Variants in RPS6KA5 observed in about 807,000 individuals in gnomAD.
The protein encoded by RPS6KA5 is ribosomal protein S6 kinase A5, also known as ribosomal protein S6 kinase alpha-5.
RPS6KA5 carries 27 observed loss-of-function variants against 85.5 expected under a neutral mutation model. The observed-to-expected ratio is 0.32, with a 90% CI of 0.23 to 0.44. RPS6KA5 has a LOEUF of 0.44. Ranked by LOEUF, RPS6KA5 falls within the 20% of genes least tolerant of loss-of-function variation. The probability of loss-of-function intolerance (pLI) is 1.00; values close to 1 mark genes in which losing one functional copy is unlikely to be tolerated. For synonymous variants in RPS6KA5, 334 were observed against 348.2 expected, an observed-to-expected ratio of 0.96 and a Z score of 0.46; for missense variants, 811 against 980.9, an observed-to-expected ratio of 0.83 and a Z score of 2.31.
At chr14:90,919,832 T>C (rs2036308865) in intron 7 of RPS6KA5, among the ~76,000 whole-genome samples, 1 of 152,198 alleles carries the variant, frequency 6.6e-6, no homozygotes, top group Non-Finnish European at 1.5e-5. Flanking sequence ...ATCATTACTG[T>C]TTCTTCATGT....
intron 1 of RPS6KA5, among the ~76,000 whole-genome samples, chr14:91,050,363 A>AG (rs68029251): frequency 0.82 from 124,247 of 152,160 alleles, 51,327 homozygotes; most frequent in East Asian, 0.97. Context: ...TGGGCAACAG[A>AG]GAAGACCTTA....
intron 3 of RPS6KA5, among the ~76,000 whole-genome samples, chr14:90,954,842 TAA>T (rs1370018187): frequency 6.6e-6 from 1 of 152,264 alleles, no homozygotes; most frequent in African/African-American, 2.4e-5. Flanking sequence ...TTATTTCATA[TAA>T]GTTATCCAAC....
At chr14:90,877,298 G>A (rs561244081) in intron 14 of RPS6KA5, among the ~76,000 whole-genome samples, 1 of 152,292 alleles carries the variant, frequency 6.6e-6, no homozygotes, top group East Asian at 1.9e-4. Flanking sequence ...GCTCTAAGAA[G>A]GGCAATGTCA....
At chr14:90,892,728 C>T (rs543694141) in intron 13 of RPS6KA5, among the ~76,000 whole-genome samples, 23 of 152,274 alleles carry the variant, frequency 1.5e-4, no homozygotes, top group African/African-American at 5.1e-4. Context: ...ATAATCAGAC[C>T]TTAAAGTGCC....
At chr14:90,903,844 AGAT>A (rs1157099083) in intron 8 of RPS6KA5, among the ~76,000 whole-genome samples, 3 of 152,240 alleles carry the variant, frequency 2.0e-5, no homozygotes, top group Non-Finnish European at 4.4e-5. Context: ...TAAGAATATA[AGAT>A]GATGGCCACT....
At chr14:91,044,363 G>GAGAAAGAAAGAAGGAA (rs1259572309) in intron 1 of RPS6KA5, among the ~76,000 whole-genome samples, 1 of 13,228 alleles carries the variant, frequency 7.6e-5, no homozygotes, top group Non-Finnish European at 1.8e-4. Context: ...AAGAAAGAAA[G>GAGAAAGAAAGAAGGAA]AGAAAGAAAG....
chr14:91,019,177 G>A (rs1242296216), intron 1 of RPS6KA5, among the ~76,000 whole-genome samples: 3 of 152,084 alleles, frequency 2.0e-5, no homozygotes, highest in Non-Finnish European at 4.4e-5. Flanking sequence ...AGACTTGTGG[G>A]AGTTAATTTT....
At chr14:90,940,034 C>G (rs1241129258) in intron 5 of RPS6KA5, among the ~76,000 whole-genome samples, 1 of 152,110 alleles carries the variant, frequency 6.6e-6, no homozygotes, top group African/African-American at 2.4e-5. Context: ...TGGGTGGAAT[C>G]AGAGGAGCAA....
At position 91,032,113 on chromosome 14, in the gene RPS6KA5, C is replaced by T. The variant is rs74086829; in HGVS notation, c.103+28219G>A. Reference sequence around the variant, plus strand: ...CCTTGGGAAGCTCAATATCTGATTTCATAGCCTCCCTTGCAGAATGATGAC... The same window carrying T: ...CCTTGGGAAGCTCAATATCTGATTTTATAGCCTCCCTTGCAGAATGATGAC... On this transcript the variant is annotated intron_variant, in intron 1 of 16. Transcript: ENST00000614987. Among the ~76,000 whole-genome samples, 338 of 152,334 alleles carry T rather than the reference C, an allele frequency of 2.2e-3. 1 individual carries two copies. Among genetic ancestry groups the T allele is most frequent in the African/African-American group, 7.7e-3 (322 of 41,584 alleles).
At chr14:90,904,534 T>C (rs2035394665) in intron 8 of RPS6KA5, among the ~76,000 whole-genome samples, 1 of 152,224 alleles carries the variant, frequency 6.6e-6, no homozygotes, top group African/African-American at 2.4e-5. Flanking sequence ...AGTGTTTTTT[T>C]CTCTCTGCAG....
At chr14:90,882,224 G>C (rs1488311068) in intron 14 of RPS6KA5, among the ~76,000 whole-genome samples, 1 of 152,048 alleles carries the variant, frequency 6.6e-6, no homozygotes, top group Non-Finnish European at 1.5e-5. Context: ...ACTTGAATTT[G>C]TATCAGTTTA....
At chr14:90,881,834 T>G (rs1261623703) in intron 14 of RPS6KA5, among the ~76,000 whole-genome samples, 3 of 152,200 alleles carry the variant, frequency 2.0e-5, no homozygotes, top group African/African-American at 7.2e-5. Context: ...GCATGGAATA[T>G]CTTTTCCCAT....
chr14:90,857,486 T>C lies in RPS6KA5; in HGVS notation c.*14588A>G, dbSNP rs1158833000. ...AGACATAATTTCAGAGCTAAGTTTG[T>C]TCTCCATAAATCAGTTCCTGGAGTT... On this transcript the variant is annotated 3_prime_UTR_variant, in exon 17 of 17. Transcript: ENST00000614987. The C allele has an allele frequency of 6.6e-6, 1 of 152,260 alleles. No homozygotes were observed. The highest frequency in any genetic ancestry group is 6.5e-5 in the Admixed American group (1 of 15,284). 9.4% of individuals were successfully genotyped at this position (152,260 alleles called of 1,614,324 possible).
At chr14:90,934,903 G>C (rs1382490973) in intron 5 of RPS6KA5, among the ~76,000 whole-genome samples, 1 of 152,100 alleles carries the variant, frequency 6.6e-6, no homozygotes, top group African/African-American at 2.4e-5. Flanking sequence ...GAAGAACTGG[G>C]GCAACAGGGT....
At chr14:91,051,471 T>C (rs963205475) in intron 1 of RPS6KA5, among the ~76,000 whole-genome samples, 1 of 152,040 alleles carries the variant, frequency 6.6e-6, no homozygotes, top group African/African-American at 2.4e-5. Context: ...CTGGACTTTT[T>C]ATCATGAAAC....
chr14:90,894,065 A>G lies in RPS6KA5; in HGVS notation c.1644+348T>C, dbSNP rs928053268. 10 of 955,084 alleles carry G rather than the reference A, an allele frequency of 1.0e-5. No individual in the cohort carries two copies. In the African/African-American group the frequency reaches 1.8e-4, roughly 17 times the overall value. The allele number at this position is 955,084 out of a possible 1,614,324, so 59.2% of individuals were successfully genotyped here. ...AGTTTTCAAAATACATCATTTGGAA[A>G]AAAAACCCTCTAAAATTATATGTAA... On this transcript the variant is annotated intron_variant, in intron 13 of 16. Transcript: ENST00000614987.
At chr14:90,934,410 A>G (rs981814562) in intron 5 of RPS6KA5, among the ~76,000 whole-genome samples, 1 of 152,172 alleles carries the variant, frequency 6.6e-6, no homozygotes, top group African/African-American at 2.4e-5. Context: ...TTATTCTAGG[A>G]TATCTTTTGC....
chr14:91,004,589 A>C lies in RPS6KA5; in HGVS notation c.104-3430T>G, dbSNP rs538363139. ...TTTTACTAAGGTCCAACTTACATAC[A>C]ATAAAATTCACTTATTTAAATGAAC... On this transcript the variant is annotated intron_variant, in intron 1 of 16. Transcript: ENST00000614987. Among the ~76,000 whole-genome samples the C allele has an allele frequency of 5.9e-5, 9 of 152,274 alleles. 1 individual carries two copies. In the South Asian group the frequency reaches 1.7e-3, roughly 28 times the overall value.
At chr14:90,879,521 A>G (rs1333171165) in intron 14 of RPS6KA5, among the ~76,000 whole-genome samples, 1 of 152,060 alleles carries the variant, frequency 6.6e-6, no homozygotes, top group African/African-American at 2.4e-5. Flanking sequence ...GGTCCTCTGT[A>G]TCTAGATTTT....
Sources: gnomAD v4.1 joint callset for allele counts (sites outside exome capture counted in the v4.1 genomes callset) on GRCh38, gnomAD v4.1.1 for gene constraint, MANE v1.5 for transcripts, NCBI Gene and HGNC (gene_info 2026-07-23, HGNC 2026-07-21) for gene names.